The following C1QTNF3 variants were observed in gnomAD, a reference collection of about 807,000 sequenced individuals.
C1QTNF3 encodes complement C1q tumor necrosis factor-related protein 3.
Under a neutral mutation model 32.6 loss-of-function variants are expected in C1QTNF3, and 26 were observed. The observed-to-expected ratio is 0.80, with a 90% confidence interval of 0.58 to 1.11. The LOEUF (loss-of-function observed/expected upper bound fraction) is 1.11, where lower values mean the gene tolerates loss of function less well. Among genes scored for constraint, C1QTNF3 ranks in the 50% least tolerant of loss-of-function variants. C1QTNF3 has a pLI of 0.00. For missense variants in C1QTNF3, 362 were observed against 398.2 expected (o/e 0.91, Z 0.77); for synonymous variants, 155 against 146.0 (o/e 1.06, Z -0.44).
At chr5:34,121,448 G>A in the C1QTNF3 span, among the ~76,000 whole-genome samples, 9 of 152,120 alleles carry the variant, frequency 5.9e-5, 1 homozygote, top group South Asian at 1.0e-3. Flanking sequence ...ACATGGCGGC[G>A]GCAAGAGAAA....
At chr5:34,219,080 GTATA>G in the C1QTNF3 span, among the ~76,000 whole-genome samples, 6 of 152,060 alleles carry the variant, frequency 3.9e-5, no homozygotes, top group South Asian at 1.2e-3. Context: ...AGATCACAAA[GTATA>G]TGGTCTCTGT....
At chr5:34,141,416 C>A in the C1QTNF3 span, among the ~76,000 whole-genome samples, 1 of 152,156 alleles carries the variant, frequency 6.6e-6, no homozygotes. Flanking sequence ...CCGCGCCGGG[C>A]CCGGGGTTGG....
chr5:34,018,447 C>T lies in C1QTNF3; in HGVS notation c.*2136G>A, dbSNP rs1340842618. The stretch of plus-strand genomic sequence containing the variant: ...ATGTTTTGTTATCCATGTACTTATT[C>T]CCTTTAGCCTATTGTCCTCTACTAG... On this transcript the variant is annotated 3_prime_UTR_variant, in exon 6 of 6. Transcript: ENST00000382065. 1.3e-5 allele frequency among the ~76,000 whole-genome samples: 2 copies of T among 152,042 alleles called. No homozygotes were observed. Among genetic ancestry groups the T allele is most frequent in the African/African-American group, 4.8e-5 (2 of 41,396 alleles).
chr5:34,158,654 C>A, the C1QTNF3 span: 1 of 151,934 alleles, frequency 6.6e-6, no homozygotes, highest in Non-Finnish European at 1.5e-5. Context: ...TTTGAGATGA[C>A]CATTATCTGA....
the C1QTNF3 span, among the ~76,000 whole-genome samples, chr5:34,176,855 T>G: frequency 6.3e-5 from 5 of 79,746 alleles, no homozygotes; most frequent in South Asian, 2.2e-3. Flanking sequence ...AGACCCTATC[T>G]CATGAATGAA....
the C1QTNF3 span, among the ~76,000 whole-genome samples, chr5:34,067,569 T>C: frequency 3.2e-3 from 487 of 152,282 alleles, 4 homozygotes; most frequent in African/African-American, 0.011. Flanking sequence ...TCAGATCTCA[T>C]GAGACTTATT....
the C1QTNF3 span, among the ~76,000 whole-genome samples, chr5:34,235,545 T>TC: frequency 7.3e-6 from 1 of 137,546 alleles, no homozygotes; most frequent in African/African-American, 2.8e-5. Context: ...TATTTCTTTT[T>TC]CTTTTTTTTT....
chr5:34,202,691 T>G, the C1QTNF3 span, among the ~76,000 whole-genome samples: 1 of 152,314 alleles, frequency 6.6e-6, no homozygotes, highest in Admixed American at 6.5e-5. Flanking sequence ...TTTATACATA[T>G]GTACATTGTA....
rs1388005067 is a variant in C1QTNF3 at position 34,018,578 on chromosome 5, C to T, written c.*2005G>A. Among the ~76,000 whole-genome samples, 5 of 152,158 alleles carry T rather than the reference C, an allele frequency of 3.3e-5. No individual in the cohort carries two copies. The highest frequency in any genetic ancestry group is 5.9e-5 in the Non-Finnish European group (4 of 68,032). ...AAATGTTTATGAATTCCAGCCACATCATTTGGAGTTTACATTTGCATATTC... is the reference window on the plus strand; with the variant it reads ...AAATGTTTATGAATTCCAGCCACATTATTTGGAGTTTACATTTGCATATTC... On this transcript the variant is annotated 3_prime_UTR_variant, in exon 6 of 6. Transcript: ENST00000382065.
chr5:34,039,949 T>C (rs575130399), intron 1 of C1QTNF3, among the ~76,000 whole-genome samples: 3 of 152,278 alleles, frequency 2.0e-5, no homozygotes, highest in African/African-American at 4.8e-5. Context: ...ACCAGAACAG[T>C]GAGAGACTTC....
chr5:34,105,170 C>T, the C1QTNF3 span, among the ~76,000 whole-genome samples: 154 of 152,206 alleles, frequency 1.0e-3, no homozygotes, highest in Middle Eastern at 0.01. Context: ...AATTCTTATT[C>T]TTAAGGTGTC....
the C1QTNF3 span, among the ~76,000 whole-genome samples, chr5:34,169,907 G>A: frequency 7.2e-5 from 11 of 152,142 alleles, no homozygotes; most frequent in Middle Eastern, 3.4e-3. Context: ...GAATTACCAC[G>A]CGATCCAGCA....
At chr5:34,178,197 C>T in the C1QTNF3 span, among the ~76,000 whole-genome samples, 1 of 150,392 alleles carries the variant, frequency 6.6e-6, no homozygotes, top group Non-Finnish European at 1.5e-5. Context: ...AGGAGAATTG[C>T]TTGAACCTGG....
the C1QTNF3 span, among the ~76,000 whole-genome samples, chr5:34,117,928 T>C: frequency 6.6e-6 from 1 of 152,234 alleles, no homozygotes; most frequent in Non-Finnish European, 1.5e-5. Context: ...TGTTATTTCA[T>C]ACAATTGCTT....
At chr5:34,024,188 C>T in intron 4 of C1QTNF3, 180 bp from the exon 5 acceptor site, 1 of 577,142 alleles carries the variant, frequency 1.7e-6, no homozygotes, top group Non-Finnish European at 3.1e-6. Flanking sequence ...CTTCCAAGTG[C>T]TTTCAATGTG....
chr5:34,136,317 AC>A, the C1QTNF3 span, among the ~76,000 whole-genome samples: 153 of 144,756 alleles, frequency 1.1e-3, no homozygotes, highest in Admixed American at 3.1e-3. Context: ...AAAACAAACA[AC>A]CCCATCCAAA....
At chr5:34,029,055 A>G in intron 3 of C1QTNF3, 172 bp from the exon 4 acceptor site, 1 of 474,892 alleles carries the variant, frequency 2.1e-6, no homozygotes, top group Non-Finnish European at 3.7e-6. Context: ...AATGCTATGC[A>G]GCCATTAGAT....
At chr5:34,094,369 C>A in the C1QTNF3 span, among the ~76,000 whole-genome samples, 1 of 151,916 alleles carries the variant, frequency 6.6e-6, no homozygotes, top group East Asian at 1.9e-4. Context: ...CACCTGGGAT[C>A]CTTTTGTGTT....
At chr5:34,166,882 G>A in the C1QTNF3 span, 1 of 151,622 alleles carries the variant, frequency 6.6e-6, no homozygotes, top group Admixed American at 6.6e-5. Flanking sequence ...TGAAGGTTTT[G>A]CCATCACAAG....
Sources: allele counts gnomAD v4.1 joint callset (sites outside exome capture counted in the v4.1 genomes callset), GRCh38; gene constraint gnomAD v4.1.1; transcripts MANE v1.5; gene names NCBI Gene and HGNC (gene_info 2026-07-23, HGNC 2026-07-21).